Variants in PDS5B observed in about 807,000 individuals in gnomAD.
PDS5B encodes PDS5 cohesin associated factor B.
Under a neutral mutation model 184.1 loss-of-function variants are expected in PDS5B, and 51 were observed. The ratio of observed to expected loss-of-function variants is 0.28; its 90% confidence interval spans 0.22 to 0.35. PDS5B has a LOEUF of 0.35. Ranked by LOEUF, PDS5B falls within the 10% of genes least tolerant of loss-of-function variation. The probability of loss-of-function intolerance (pLI) is 1.00; values close to 1 mark genes in which losing one functional copy is unlikely to be tolerated. For synonymous variants in PDS5B, 566 were observed against 569.2 expected (o/e 0.99, Z 0.08); for missense variants, 1,180 against 1,723.3 (o/e 0.68, Z 5.58).
At chr13:32,717,725 A>G (rs1952516427) in intron 19 of PDS5B, among the ~76,000 whole-genome samples, 1 of 150,530 alleles carries the variant, frequency 6.6e-6, no homozygotes, top group African/African-American at 2.4e-5. Context: ...TAAATTAAAA[A>G]AAAAAAAAAA....
intron 6 of PDS5B, among the ~76,000 whole-genome samples, chr13:32,665,047 A>G (rs1334546926): frequency 6.6e-6 from 1 of 152,150 alleles, no homozygotes; most frequent in Admixed American, 6.5e-5. Flanking sequence ...TCAGTGATAG[A>G]CAAAGGGACA....
intron 19 of PDS5B, among the ~76,000 whole-genome samples, chr13:32,722,494 A>G (rs1401729135): frequency 1.3e-5 from 2 of 152,218 alleles, no homozygotes; most frequent in Non-Finnish European, 2.9e-5. Context: ...ATGTAGTACA[A>G]GTTTGTAGTC....
intron 8 of PDS5B, 32 bp from the exon 9 acceptor site, chr13:32,675,812 G>A (rs759272144): frequency 1.5e-6 from 2 of 1,315,044 alleles, no homozygotes; most frequent in Non-Finnish European, 2.2e-6. Flanking sequence ...TCTACTGCAT[G>A]GTTTTAAAGC....
intron 6 of PDS5B, among the ~76,000 whole-genome samples, chr13:32,666,102 A>G (rs1040886882): frequency 6.6e-6 from 1 of 152,028 alleles, no homozygotes; most frequent in African/African-American, 2.4e-5. Flanking sequence ...GTTTTTTGAG[A>G]TGGAGTCTCA....
At chr13:32,715,544 A>G (rs1482562114) in intron 19 of PDS5B, among the ~76,000 whole-genome samples, 3 of 152,258 alleles carry the variant, frequency 2.0e-5, no homozygotes, top group Non-Finnish European at 4.4e-5. Context: ...AATAAGTTCA[A>G]GATGAGGAAA....
Position 32,687,298 on chromosome 13 carries a change from CACT to C in PDS5B, c.1355+15_1355+17del. 1 of 1,518,688 alleles carries C rather than the reference CACT, an allele frequency of 6.6e-7. No individual in the cohort carries two copies. Among genetic ancestry groups the C allele is most frequent in the Non-Finnish European group, 8.9e-7 (1 of 1,125,130 alleles). The allele number at this position is 1,518,688 out of a possible 1,614,324, so 94.1% of individuals were successfully genotyped here. On this transcript the variant is annotated intron_variant, in intron 12 of 34. Transcript: ENST00000315596. ...GTATTGATGATCGGTAAGTTAAGGA[CACT>C]ATAAATATTTGGTGACTTTGAATGT...
rs747523263 is a variant in PDS5B at position 32,631,115 on chromosome 13, TTTC to T, written c.-19-17636_-19-17634del. Among the ~76,000 whole-genome samples, 17 of 110,532 alleles carry T rather than the reference TTTC, an allele frequency of 1.5e-4. 4 individuals are homozygous for T. Among genetic ancestry groups the T allele is most frequent in the Non-Finnish European group, 2.4e-4 (12 of 50,844 alleles). The allele number at this position is 110,532 out of a possible 152,430, so 72.5% of individuals were successfully genotyped here. On this transcript the variant is annotated intron_variant, in intron 1 of 34. Transcript: ENST00000315596. ...GCCATCTCTATTGATTCTTTTTTTC[TTTC>T]TTTTTTTTTTTTTTTGAGATGGGGT...
chr13:32,621,679 T>C (rs910419779), intron 1 of PDS5B, among the ~76,000 whole-genome samples: 2 of 152,234 alleles, frequency 1.3e-5, no homozygotes, highest in African/African-American at 4.8e-5. Flanking sequence ...TACATTTTTT[T>C]TTCTAGGAAA....
rs796941215 is a variant in PDS5B, at chr13:32,665,615, G to C, written c.625-2149G>C. On this transcript the variant is annotated intron_variant, in intron 6 of 34. Transcript: ENST00000315596. Reference sequence around the variant, plus strand: ...AAAAAAAAAAAAAAAAAAAAAAAAAGAAAATAAACATCTTTACAACCTCAA... The same window carrying C: ...AAAAAAAAAAAAAAAAAAAAAAAAACAAAATAAACATCTTTACAACCTCAA... 3.0e-3 allele frequency among the ~76,000 whole-genome samples: 228 copies of C among 77,118 alleles called. 2 individuals carry two copies. Among genetic ancestry groups the C allele is most frequent in the Middle Eastern group, 0.015 (2 of 130 alleles). The allele number at this position is 77,118 out of a possible 152,430, so 50.6% of individuals were successfully genotyped here.
chr13:32,632,112 A>G (rs1464057145), intron 1 of PDS5B, among the ~76,000 whole-genome samples: 1 of 152,234 alleles, frequency 6.6e-6, no homozygotes, highest in Non-Finnish European at 1.5e-5. Flanking sequence ...GTATACTTTT[A>G]GAAGAAAATA....
At chr13:32,693,386 CA>C (rs1433723846) in intron 13 of PDS5B, among the ~76,000 whole-genome samples, 6 of 151,682 alleles carry the variant, frequency 4.0e-5, no homozygotes, top group Non-Finnish European at 8.9e-5. Flanking sequence ...TTAAAAAATC[CA>C]AAGGCATTTT....
At chr13:32,749,100 C>CT (rs1196683966) in intron 24 of PDS5B, among the ~76,000 whole-genome samples, 14 of 152,204 alleles carry the variant, frequency 9.2e-5, no homozygotes, top group African/African-American at 3.4e-4. Context: ...TTGAGCCCCT[C>CT]TAATATTTTA....
chr13:32,679,973 T>C (rs895325712), intron 10 of PDS5B, among the ~76,000 whole-genome samples: 5 of 152,260 alleles, frequency 3.3e-5, no homozygotes, highest in Non-Finnish European at 7.4e-5. Flanking sequence ...CCTTTTTCTT[T>C]AGCATCCTTT....
intron 31 of PDS5B, among the ~76,000 whole-genome samples, chr13:32,767,956 T>A (rs1412333001): frequency 6.6e-6 from 1 of 152,224 alleles, no homozygotes; most frequent in African/African-American, 2.4e-5. Flanking sequence ...GAAATATTAT[T>A]CTTGTTCAAA....
intron 6 of PDS5B, among the ~76,000 whole-genome samples, chr13:32,664,644 A>T (rs1196781937): frequency 6.6e-6 from 1 of 152,134 alleles, no homozygotes; most frequent in Non-Finnish European, 1.5e-5. Flanking sequence ...CAGGGGAATC[A>T]CTTGAGCTCA....
chr13:32,592,858 A>G (rs2057798098), intron 1 of PDS5B, among the ~76,000 whole-genome samples: 1 of 152,130 alleles, frequency 6.6e-6, no homozygotes, highest in Non-Finnish European at 1.5e-5. Flanking sequence ...TTGGGTTTTT[A>G]TCTCCTCTAG....
chr13:32,670,397 A>T (rs1950905092), intron 7 of PDS5B, among the ~76,000 whole-genome samples: 1 of 151,968 alleles, frequency 6.6e-6, no homozygotes, highest in Non-Finnish European at 1.5e-5. Flanking sequence ...TTCCTTTTTT[A>T]AAAAACTTTT....
chr13:32,701,499 C>A, intron 17 of PDS5B, 61 bp downstream of exon 17: 2 of 1,041,982 alleles, frequency 1.9e-6, no homozygotes, highest in South Asian at 1.4e-5. Context: ...ATTCAGGAAT[C>A]AGTCATTGTT....
At position 32,701,426 on chromosome 13, in the gene PDS5B, C is replaced by A. The variant is rs1252757251; in HGVS notation, c.1844C>A (p.Thr615Asn). The change falls in exon 17 of 35, where the codon ACC (threonine) becomes AAC (asparagine). Residue 615 changes from threonine to asparagine, a missense_variant. By Grantham distance (65) the Thr-to-Asn change is moderately conservative (BLOSUM62 0). Coordinates refer to ENST00000315596, the MANE Select transcript of PDS5B (RefSeq NM_015032.4). The part of the protein sequence containing the change: ...LERIAPVHID[T>N]ESISALIKQV... ...AGGATAGCACCTGTGCACATAGATA[C>A]CGAATCTATCAGGTATTTGTATATA... The A allele has an allele frequency of 2.5e-6, 4 of 1,573,678 alleles. No homozygotes were observed. The highest frequency in any genetic ancestry group is 3.5e-6 in the Non-Finnish European group (4 of 1,146,702).
Sources: allele counts gnomAD v4.1 joint callset (sites outside exome capture counted in the v4.1 genomes callset), GRCh38; gene constraint gnomAD v4.1.1; transcripts MANE v1.5; gene names NCBI Gene and HGNC (gene_info 2026-07-23, HGNC 2026-07-21).